Variants in CDH12 observed in about 807,000 individuals in gnomAD.
The protein encoded by CDH12 is cadherin-12.
In CDH12, 41 loss-of-function variants were observed where a neutral mutation model predicts 74.1. The ratio of observed to expected loss-of-function variants is 0.55; its 90% CI spans 0.43 to 0.72. CDH12 has a LOEUF of 0.72. CDH12 is among the 30% of genes least tolerant of loss of function. The probability of loss-of-function intolerance (pLI) is 0.00; values close to 1 mark genes in which losing one functional copy is unlikely to be tolerated. For missense variants in CDH12, 945 were observed against 977.2 expected (o/e 0.97, Z 0.44); for synonymous variants, 399 against 355.0 (o/e 1.12, Z -1.39).
At chr5:22,425,654 A>AT (rs1743898413) in intron 2 of CDH12, among the ~76,000 whole-genome samples, 1 of 151,922 alleles carries the variant, frequency 6.6e-6, no homozygotes, top group Non-Finnish European at 1.5e-5. Flanking sequence ...TGTACCTTGT[A>AT]TTTTTTCACA....
At chr5:22,095,259 A>C (rs1178911062) in intron 4 of CDH12, among the ~76,000 whole-genome samples, 1 of 151,590 alleles carries the variant, frequency 6.6e-6, no homozygotes, top group East Asian at 1.9e-4. Flanking sequence ...TCCCTCAACC[A>C]CTTTCTCCTT....
intron 6 of CDH12, among the ~76,000 whole-genome samples, chr5:21,892,063 A>G (rs1383619478): frequency 6.6e-6 from 1 of 152,160 alleles, no homozygotes; most frequent in East Asian, 1.9e-4. Context: ...ATCCATTATG[A>G]TATCTTGGAC....
chr5:22,552,806 T>C (rs527256085), intron 1 of CDH12, among the ~76,000 whole-genome samples: 1 of 152,280 alleles, frequency 6.6e-6, no homozygotes, highest in African/African-American at 2.4e-5. Context: ...GTTTTATGTC[T>C]ATGGATTTTT....
At chr5:21,791,779 A>G (rs1746513570) in intron 10 of CDH12, among the ~76,000 whole-genome samples, 1 of 151,856 alleles carries the variant, frequency 6.6e-6, no homozygotes, top group South Asian at 2.1e-4. Flanking sequence ...TTTTATTCCT[A>G]TACTGTAAAT....
At chr5:22,171,955 G>C (rs1358823686) in intron 4 of CDH12, among the ~76,000 whole-genome samples, 3 of 151,932 alleles carry the variant, frequency 2.0e-5, no homozygotes, top group Non-Finnish European at 4.4e-5. Flanking sequence ...GTAGGAGTGA[G>C]AAAGGTAACC....
In CDH12 at chr5:22,386,935, A is replaced by G. The variant is rs143666772; in HGVS notation, c.-333+18322T>C. On this transcript the variant is annotated intron_variant, in intron 3 of 14. Coordinates refer to ENST00000382254, the MANE Select transcript of CDH12 (RefSeq NM_004061.5). ...AGAAATGTGATTTACTTAATTTATA[A>G]TATACACATATTATTTCAAAAGAAA... is the stretch of plus-strand genomic sequence containing the variant. 8.0e-3 allele frequency among the ~76,000 whole-genome samples: 1,220 copies of G among 152,114 alleles called. 15 individuals are homozygous for G. Among genetic ancestry groups the G allele is most frequent in the African/African-American group, 0.028 (1,165 of 41,572 alleles).
intron 8 of CDH12, among the ~76,000 whole-genome samples, chr5:21,839,372 TTTAA>T (rs922958557): frequency 1.3e-5 from 2 of 152,206 alleles, no homozygotes; most frequent in African/African-American, 2.4e-5. Flanking sequence ...TTACTTTTTC[TTTAA>T]TTAATTATTT....
At chr5:22,578,740 G>T (rs1739921914) in intron 1 of CDH12, among the ~76,000 whole-genome samples, 1 of 151,586 alleles carries the variant, frequency 6.6e-6, no homozygotes, top group Admixed American at 6.6e-5. Flanking sequence ...TCTTTTTTTG[G>T]TGGGGGAGGG....
intron 6 of CDH12, among the ~76,000 whole-genome samples, chr5:21,875,008 A>C (rs1372635079): frequency 6.6e-6 from 1 of 152,212 alleles, no homozygotes; most frequent in African/African-American, 2.4e-5. Context: ...AAGAACCCCT[A>C]GTAACAAAAG....
rs540036930 is a variant in CDH12, at chr5:22,189,321, T to A, written c.-187+23177A>T. 5.9e-5 allele frequency among the ~76,000 whole-genome samples: 9 copies of A among 152,296 alleles called. No homozygotes were observed. In the South Asian group the frequency reaches 1.9e-3, roughly 32 times the overall value. On this transcript the variant is annotated intron_variant, in intron 4 of 14. Coordinates refer to ENST00000382254, the MANE Select transcript of CDH12 (RefSeq NM_004061.5). ...ACAGCTGCTTCTCTTTCACTAACAATTGATTACAGTTCAATAATGATTATA... is the reference window on the plus strand; with the variant it reads ...ACAGCTGCTTCTCTTTCACTAACAAATGATTACAGTTCAATAATGATTATA...
intron 10 of CDH12, among the ~76,000 whole-genome samples, chr5:21,798,249 ATGTGTGTG>A (rs55704091): frequency 0.031 from 4,578 of 148,824 alleles, 162 homozygotes; most frequent in East Asian, 0.15. Flanking sequence ...GTATATGTGG[ATGTGTGTG>A]TGTGTGTGTG....
intron 1 of CDH12, among the ~76,000 whole-genome samples, chr5:22,717,886 G>C (rs1743661412): frequency 6.6e-6 from 1 of 151,980 alleles, no homozygotes; most frequent in Non-Finnish European, 1.5e-5. Flanking sequence ...TCCTGATCTT[G>C]CCTAAAAACT....
chr5:22,487,793 C>T (rs1022688308), intron 2 of CDH12, among the ~76,000 whole-genome samples: 43 of 152,284 alleles, frequency 2.8e-4, no homozygotes, highest in Middle Eastern at 3.4e-3. Flanking sequence ...CATATCCAGA[C>T]CAACAGCTCA....
chr5:21,810,028 CAGA>C (rs1747662354), intron 9 of CDH12, among the ~76,000 whole-genome samples: 2 of 151,978 alleles, frequency 1.3e-5, no homozygotes, highest in Admixed American at 1.3e-4. Flanking sequence ...GAGTTCTATG[CAGA>C]AGGAGGAGAA....
chr5:22,243,786 A>C (rs1752826144), intron 3 of CDH12, among the ~76,000 whole-genome samples: 1 of 152,160 alleles, frequency 6.6e-6, no homozygotes, highest in African/African-American at 2.4e-5. Context: ...ATCTTGGAAA[A>C]ATTATTTAAT....
intron 3 of CDH12, among the ~76,000 whole-genome samples, chr5:22,228,938 A>G (rs1452774767): frequency 6.6e-6 from 1 of 152,166 alleles, no homozygotes; most frequent in Non-Finnish European, 1.5e-5. Flanking sequence ...TTATATTAAT[A>G]AACCTGCTCT....
chr5:22,193,740 A>AG (rs1750439049), intron 4 of CDH12, among the ~76,000 whole-genome samples: 1 of 151,626 alleles, frequency 6.6e-6, no homozygotes, highest in South Asian at 2.1e-4. Flanking sequence ...GTTTTATAGA[A>AG]GAAAAACCCA....
intron 8 of CDH12, among the ~76,000 whole-genome samples, chr5:21,832,703 T>C (rs1749092485): frequency 6.9e-6 from 1 of 145,214 alleles, no homozygotes; most frequent in African/African-American, 2.5e-5. Flanking sequence ...TTATTCATTC[T>C]ATTTAATGAG....
chr5:21,825,020 A>C (rs1748586560), intron 8 of CDH12, among the ~76,000 whole-genome samples: 1 of 151,800 alleles, frequency 6.6e-6, no homozygotes, highest in South Asian at 2.1e-4. Context: ...CGGGTGTGGT[A>C]GTGTGTGCCC....
Sources: allele counts gnomAD v4.1 joint callset (sites outside exome capture counted in the v4.1 genomes callset), GRCh38; gene constraint gnomAD v4.1.1; transcripts MANE v1.5; gene names NCBI Gene and HGNC (gene_info 2026-07-23, HGNC 2026-07-21).